The following GALNTL6 variants were observed in gnomAD, a reference collection of about 807,000 sequenced individuals.
GALNTL6 encodes polypeptide N-acetylgalactosaminyltransferase-like 6.
A neutral mutation model predicts 73.7 loss-of-function variants in GALNTL6; 46 were observed. The ratio of observed to expected loss-of-function variants is 0.62; its 90% CI spans 0.49 to 0.80. The LOEUF (loss-of-function observed/expected upper bound fraction) is 0.80, where lower values mean the gene tolerates loss of function less well. GALNTL6 is among the 30% of genes least tolerant of loss of function. The pLI, the probability that GALNTL6 is intolerant of heterozygous loss-of-function variation, is 0.00. For synonymous variants in GALNTL6, 259 were observed against 263.7 expected (o/e 0.98, Z 0.17); for missense variants, 604 against 755.0 (o/e 0.80, Z 2.34).
At chr4:172,903,298 G>A (rs1746721888) in intron 8 of GALNTL6, among the ~76,000 whole-genome samples, 1 of 152,126 alleles carries the variant, frequency 6.6e-6, no homozygotes, top group Non-Finnish European at 1.5e-5. Flanking sequence ...TTTTTGTCCC[G>A]ATTTACTGCA....
At chr4:171,872,172 A>T (rs1032059372) in intron 2 of GALNTL6, among the ~76,000 whole-genome samples, 2 of 152,134 alleles carry the variant, frequency 1.3e-5, no homozygotes, top group African/African-American at 4.8e-5. Context: ...TGTGTTGGAG[A>T]AACATTTTTT....
chr4:171,986,938 C>G (rs910315476), intron 2 of GALNTL6, among the ~76,000 whole-genome samples: 10 of 152,128 alleles, frequency 6.6e-5, no homozygotes, highest in Admixed American at 5.2e-4. Context: ...CTTGCAGAAA[C>G]AGTGTAAACC....
chr4:172,791,036 G>A (rs945710620), intron 5 of GALNTL6, among the ~76,000 whole-genome samples: 2 of 151,984 alleles, frequency 1.3e-5, no homozygotes, highest in East Asian at 3.9e-4. Flanking sequence ...TCCAGATACA[G>A]AACCATGGAA....
At chr4:172,707,921 G>A (rs1734455312) in intron 5 of GALNTL6, among the ~76,000 whole-genome samples, 1 of 152,118 alleles carries the variant, frequency 6.6e-6, no homozygotes, top group African/African-American at 2.4e-5. Context: ...TGTAGGTCCA[G>A]CAGGGGTGGG....
intron 5 of GALNTL6, among the ~76,000 whole-genome samples, chr4:172,395,835 A>G (rs563753505): frequency 9.9e-5 from 15 of 152,194 alleles, no homozygotes. Flanking sequence ...TCAACCGGCA[A>G]CATTAATTAA....
At chr4:172,679,318 G>C (rs562700810) in intron 5 of GALNTL6, among the ~76,000 whole-genome samples, 1 of 152,050 alleles carries the variant, frequency 6.6e-6, no homozygotes, top group South Asian at 2.1e-4. Context: ...GGCTGATGCA[G>C]GAGACTCACT....
intron 11 of GALNTL6, among the ~76,000 whole-genome samples, chr4:173,017,094 T>C (rs139571267): frequency 2.0e-4 from 31 of 152,276 alleles, no homozygotes; most frequent in Admixed American, 6.5e-4. Context: ...TGATTGTAAG[T>C]TTCCTGAGGC....
chr4:171,880,188 G>A (rs569134702), intron 2 of GALNTL6, among the ~76,000 whole-genome samples: 1 of 152,138 alleles, frequency 6.6e-6, no homozygotes, highest in Admixed American at 6.5e-5. Context: ...TTTGGTGTTT[G>A]TGTTCCTGAA....
intron 2 of GALNTL6, among the ~76,000 whole-genome samples, chr4:171,869,110 G>A (rs1736062442): frequency 6.6e-6 from 1 of 152,156 alleles, no homozygotes; most frequent in Admixed American, 6.5e-5. Context: ...ACCTCAGTTG[G>A]TATAGCTAAA....
intron 2 of GALNTL6, among the ~76,000 whole-genome samples, chr4:172,177,860 C>CACATATATGTGTGTGTATAT (rs1735097513): frequency 3.5e-5 from 5 of 142,932 alleles, no homozygotes; most frequent in Non-Finnish European, 6.2e-5. Context: ...TATATACACA[C>CACATATATGTGTGTGTATAT]ATACTAAGGC....
intron 5 of GALNTL6, among the ~76,000 whole-genome samples, chr4:172,792,969 A>T (rs1294507200): frequency 6.6e-6 from 1 of 151,922 alleles, no homozygotes; most frequent in East Asian, 1.9e-4. Context: ...TTTGTATGTC[A>T]TTTGTCTCAA....
chr4:172,219,886 G>A (rs10001720), intron 2 of GALNTL6, among the ~76,000 whole-genome samples: 2,007 of 151,996 alleles, frequency 0.013, 50 homozygotes, highest in African/African-American at 0.046. Context: ...TGCCTAAAAA[G>A]ATGCTTGCTT....
At chr4:172,381,445 T>G (rs1440926527) in intron 5 of GALNTL6, among the ~76,000 whole-genome samples, 1 of 152,204 alleles carries the variant, frequency 6.6e-6, no homozygotes, top group African/African-American at 2.4e-5. Context: ...ACTCCCAGTT[T>G]TCTGGTAACC....
At chr4:172,729,047 G>T (rs1385692559) in intron 5 of GALNTL6, among the ~76,000 whole-genome samples, 1 of 152,004 alleles carries the variant, frequency 6.6e-6, no homozygotes, top group Admixed American at 6.6e-5. Context: ...GAGATCCTTT[G>T]CCTATTTTTA....
intron 5 of GALNTL6, among the ~76,000 whole-genome samples, chr4:172,362,121 C>T (rs1742391068): frequency 6.6e-6 from 1 of 151,984 alleles, no homozygotes; most frequent in Non-Finnish European, 1.5e-5. Flanking sequence ...TCCTTCAACC[C>T]TACTGCTTAC....
intron 5 of GALNTL6, among the ~76,000 whole-genome samples, chr4:172,635,586 A>T (rs1739632545): frequency 6.6e-6 from 1 of 152,062 alleles, no homozygotes; most frequent in African/African-American, 2.4e-5. Flanking sequence ...TTATTCAATA[A>T]TTTCCTGTTT....
At chr4:172,233,283 A>G (rs865942215) in intron 3 of GALNTL6, among the ~76,000 whole-genome samples, 27 of 151,932 alleles carry the variant, frequency 1.8e-4, no homozygotes, top group Middle Eastern at 3.4e-3. Context: ...TGAGGCAGGA[A>G]GATCACTTGA....
At chr4:172,844,924 A>G (rs911905133) in intron 7 of GALNTL6, among the ~76,000 whole-genome samples, 7 of 152,198 alleles carry the variant, frequency 4.6e-5, no homozygotes, top group Admixed American at 4.6e-4. Flanking sequence ...TAAAATAAAA[A>G]TAAGATTCTG....
chr4:173,040,408 A>C lies in GALNTL6; in HGVS notation c.*308A>C. 3.1e-6 allele frequency: 1 copy of C among 318,038 alleles called. No homozygotes were observed. Among genetic ancestry groups the C allele is most frequent in the Non-Finnish European group, 5.8e-6 (1 of 171,022 alleles). 19.7% of individuals were successfully genotyped at this position (318,038 alleles called of 1,614,324 possible). ...TAAATCCTAGCATTTCTCAGGTCAA[A>C]TCCTGCAGTAGTGAGTAGCTATGAA... On this transcript the variant is annotated 3_prime_UTR_variant, in exon 13 of 13. Coordinates refer to ENST00000506823, the MANE Select transcript of GALNTL6 (RefSeq NM_001034845.3).
Sources: gnomAD v4.1 joint callset for allele counts (sites outside exome capture counted in the v4.1 genomes callset) on GRCh38, gnomAD v4.1.1 for gene constraint, MANE v1.5 for transcripts, NCBI Gene and HGNC (gene_info 2026-07-23, HGNC 2026-07-21) for gene names.